PDCL3: variants seen among roughly 807,000 people sequenced by gnomAD.
The protein encoded by PDCL3 is phosducin like 3, also known as phosducin-like protein 3.
In PDCL3, 22 loss-of-function variants were observed where a neutral mutation model predicts 26.5. The observed-to-expected ratio is 0.83, with a 90% CI of 0.59 to 1.19. PDCL3 has a LOEUF of 1.19. PDCL3 is among the 50% of genes most tolerant of loss of function. The pLI is 0.00. For synonymous variants in PDCL3, 81 were observed against 104.9 expected, an observed-to-expected ratio of 0.77 and a Z score of 1.39; for missense variants, 246 against 294.1, an observed-to-expected ratio of 0.84 and a Z score of 1.20.
In PDCL3 at chr2:100,568,997, A is replaced by G. The variant is rs1675112499; in HGVS notation, c.200A>G (p.Asp67Gly). 1.2e-6 allele frequency: 2 copies of G among 1,613,824 alleles called. No homozygotes were observed. Among genetic ancestry groups the G allele is most frequent in the Non-Finnish European group, 1.7e-6 (2 of 1,179,948 alleles). Residue 67 changes from aspartate (D) to glycine (G), a missense_variant, in exon 3 of 6, where the codon GAT (aspartate) becomes GGT (glycine). Asp to Gly is a moderately conservative substitution (Grantham distance 94). Transcript: ENST00000264254. ...EDHEDEFNEE[D>G]ERAIEMYRRR... ...CATGAAGACGAGTTTAATGAGGAGGATGAACGTGCTATTGAAATGTACAGG... is the reference window on the plus strand; with the variant it reads ...CATGAAGACGAGTTTAATGAGGAGGGTGAACGTGCTATTGAAATGTACAGG...
chr2:100,564,076 C>T (rs1251113946), intron 1 of PDCL3, among the ~76,000 whole-genome samples: 1 of 151,340 alleles, frequency 6.6e-6, no homozygotes, highest in Admixed American at 6.6e-5. Flanking sequence ...CCACTCTGGG[C>T]TAATTTTTTG....
intron 4 of PDCL3, 29 bp from the exon 5 acceptor site, chr2:100,571,561 T>G: frequency 6.3e-7 from 1 of 1,598,638 alleles, no homozygotes; most frequent in East Asian, 2.2e-5. Flanking sequence ...GGATCATAAT[T>G]GCTTCTGTTT....
chr2:100,570,591 G>T (rs1307508553), intron 4 of PDCL3, among the ~76,000 whole-genome samples: 1 of 149,680 alleles, frequency 6.7e-6, no homozygotes, highest in Non-Finnish European at 1.5e-5. Flanking sequence ...CGATTCTCCT[G>T]CCTCTGCTCC....
At chr2:100,564,616 C>T (rs1176898501) in intron 1 of PDCL3, among the ~76,000 whole-genome samples, 2 of 152,154 alleles carry the variant, frequency 1.3e-5, no homozygotes, top group Non-Finnish European at 2.9e-5. Flanking sequence ...TTTGATGTAT[C>T]TCAGAACTGT....
At chr2:100,571,877 C>G (rs887611249) in intron 5 of PDCL3, 79 bp downstream of exon 5, 1 of 1,418,206 alleles carries the variant, frequency 7.1e-7, no homozygotes, top group African/African-American at 1.4e-5. Flanking sequence ...ATTTCCTGGA[C>G]TCCTGTTACG....
At position 100,576,688 on chromosome 2, in the gene PDCL3, A is replaced by G. The variant is rs112508569; in HGVS notation, c.*192A>G. 8.7e-5 allele frequency: 49 copies of G among 564,876 alleles called. 2 individuals are homozygous for G. Among genetic ancestry groups the G allele is most frequent in the African/African-American group, 8.6e-4 (44 of 50,954 alleles). 35.0% of individuals were successfully genotyped at this position (564,876 alleles called of 1,614,324 possible). A position where few individuals can be genotyped will look rare whatever the true frequency, so the allele number is the denominator to read the frequency against. On this transcript the variant is annotated 3_prime_UTR_variant, in exon 6 of 6. Transcript: ENST00000264254. ...TTGGAACTCTTTTTTTTTTTAAATT[A>G]TAGTATTTCCTCTAAAAAAAATTAA...
chr2:100,563,299 C>A, intron 1 of PDCL3: 1 of 502,318 alleles, frequency 2.0e-6, no homozygotes, highest in Non-Finnish European at 3.5e-6. Context: ...TCCCCCAAAC[C>A]TCGTCCTCCG....
intron 4 of PDCL3, among the ~76,000 whole-genome samples, chr2:100,570,474 C>CTTTT (rs762190373): frequency 1.8e-4 from 23 of 125,300 alleles, no homozygotes; most frequent in African/African-American, 3.0e-4. Context: ...TTAGGAATTT[C>CTTTT]TTTTTTTTTT....
intron 1 of PDCL3, among the ~76,000 whole-genome samples, chr2:100,565,338 G>C (rs1415450419): frequency 7.0e-6 from 1 of 142,912 alleles, no homozygotes. Context: ...GCAGCGGCTC[G>C]ATCTCGGCTC....
intron 4 of PDCL3, 94 bp from the exon 5 acceptor site, chr2:100,571,496 T>TAA (rs1358253093): frequency 9.0e-7 from 1 of 1,115,868 alleles, no homozygotes; most frequent in African/African-American, 1.6e-5. Flanking sequence ...GTGAAACTGT[T>TAA]ACAAGGTTTT....
In PDCL3 at chr2:100,568,934, A is replaced by G. The variant is rs1012618935; in HGVS notation, c.137A>G (p.Lys46Arg). 7 of 1,611,934 alleles carry G rather than the reference A, an allele frequency of 4.3e-6. No homozygotes were observed. Among genetic ancestry groups the G allele is most frequent in the Non-Finnish European group, 5.9e-6 (7 of 1,179,492 alleles). Reference sequence around the variant, plus strand: ...TTGCCAATGTAACCAAATTCAGTGAAAACATATGAAGATATGACTTTGGAA... The same window carrying G: ...TTGCCAATGTAACCAAATTCAGTGAGAACATATGAAGATATGACTTTGGAA... Reference protein sequence around the residue: ...EQRILQQSVVKTYEDMTLEEL... With the variant: ...EQRILQQSVVRTYEDMTLEEL... The change falls in exon 3 of 6, where the codon AAA becomes AGA. Residue 46 changes from lysine (K) to arginine (R), a missense_variant. Coordinates refer to ENST00000264254, the MANE Select transcript of PDCL3 (RefSeq NM_024065.5).
At position 100,563,153 on chromosome 2, in the gene PDCL3, C is replaced by A. The variant is rs1364172711; in HGVS notation, c.6+80C>A. On this transcript the variant is annotated intron_variant, in intron 1 of 5. Transcript: ENST00000264254. The stretch of plus-strand genomic sequence containing the variant: ...TAGGCCCGGGCGGGCAGTGGACGCC[C>A]GCCCTGGGGGAAGCTCCGGCGCCGC... 9 of 1,507,928 alleles carry A rather than the reference C, an allele frequency of 6.0e-6. No individual in the cohort carries two copies. In the East Asian group the frequency reaches 7.6e-5, roughly 13 times the overall value. 93.4% of individuals were successfully genotyped at this position (1,507,928 alleles called of 1,614,324 possible). A position where few individuals can be genotyped will look rare whatever the true frequency, so the allele number is the denominator to read the frequency against.
rs1243638370 is a variant in PDCL3 at position 100,563,390 on chromosome 2, C to T, written c.6+317C>T. 1.1e-5 allele frequency: 4 copies of T among 348,356 alleles called. No individual in the cohort carries two copies. The Admixed American group carries it at 1.5e-4, about 13-fold the overall frequency. 21.6% of individuals were successfully genotyped at this position (348,356 alleles called of 1,614,324 possible). The stretch of plus-strand genomic sequence containing the variant: ...TCCCGCCTAACAAAAGTTACCTCCT[C>T]TCCTGAACTCCCCTAAGGCACACCT... On this transcript the variant is annotated intron_variant, in intron 1 of 5. Coordinates refer to ENST00000264254, the MANE Select transcript of PDCL3 (RefSeq NM_024065.5).
chr2:100,564,490 G>C (rs1265727983), intron 1 of PDCL3, among the ~76,000 whole-genome samples: 1 of 152,074 alleles, frequency 6.6e-6, no homozygotes, highest in Non-Finnish European at 1.5e-5. Flanking sequence ...TAGAGACAAG[G>C]TTTCACCATG....
rs777545241 is a variant in PDCL3, at chr2:100,569,645, T to A, written c.292T>A (p.Ser98Thr). The change falls in exon 4 of 6, where the codon TCA becomes ACA. Residue 98 changes from serine (S) to threonine (T), a missense_variant. Coordinates refer to ENST00000264254, the MANE Select transcript of PDCL3 (RefSeq NM_024065.5). ...KNKFGEVLEISGKDYVQEVTK... is the reference protein window; with the variant it reads ...KNKFGEVLEITGKDYVQEVTK... Reference sequence around the variant, plus strand: ...TAAATTCGGAGAAGTTTTGGAGATCTCAGGGAAGGATTATGTTCAAGAAGT... The same window carrying A: ...TAAATTCGGAGAAGTTTTGGAGATCACAGGGAAGGATTATGTTCAAGAAGT... 5.0e-6 allele frequency: 8 copies of A among 1,614,036 alleles called. No homozygotes were observed. The highest frequency in any genetic ancestry group is 6.8e-6 in the Non-Finnish European group (8 of 1,179,974).
chr2:100,567,420 A>T (rs1675078406), intron 2 of PDCL3, among the ~76,000 whole-genome samples: 1 of 152,182 alleles, frequency 6.6e-6, no homozygotes, highest in African/African-American at 2.4e-5. Context: ...CAGACAATAA[A>T]CAATAAAGAA....
chr2:100,568,665 G>T (rs773977921), intron 2 of PDCL3, among the ~76,000 whole-genome samples: 7 of 152,028 alleles, frequency 4.6e-5, no homozygotes, highest in Non-Finnish European at 8.8e-5. Context: ...GGCAGGGTGA[G>T]GCGGAATAGG....
chr2:100,568,183 T>A (rs1023363437), intron 2 of PDCL3, among the ~76,000 whole-genome samples: 4 of 152,190 alleles, frequency 2.6e-5, no homozygotes, highest in African/African-American at 7.2e-5. Context: ...TGGGTATGTT[T>A]TTCTCTACAT....
chr2:100,565,303 C>T (rs2104390603), intron 1 of PDCL3, among the ~76,000 whole-genome samples: 1 of 127,532 alleles, frequency 7.8e-6, no homozygotes, highest in East Asian at 2.6e-4. Flanking sequence ...GAGACAGAGT[C>T]TAGCTCTGTC....
Sources: allele counts gnomAD v4.1 joint callset (sites outside exome capture counted in the v4.1 genomes callset), GRCh38; gene constraint gnomAD v4.1.1; transcripts MANE v1.5; gene names NCBI Gene and HGNC (gene_info 2026-07-23, HGNC 2026-07-21).